The following PTPN9 variants were observed in gnomAD, a reference collection of about 807,000 sequenced individuals.
PTPN9 encodes tyrosine-protein phosphatase non-receptor type 9.
A neutral mutation model predicts 69.8 loss-of-function variants in PTPN9; 26 were observed. That is an observed-to-expected ratio of 0.37 (90% CI 0.27 to 0.52). The LOEUF (loss-of-function observed/expected upper bound fraction) is 0.52, where lower values mean the gene tolerates loss of function less well. Ranked by LOEUF, PTPN9 falls within the 20% of genes least tolerant of loss-of-function variation. The pLI, the probability that PTPN9 is intolerant of heterozygous loss-of-function variation, is 0.91. For missense variants in PTPN9, 549 were observed against 740.3 expected, an observed-to-expected ratio of 0.74 and a Z score of 3.00; for synonymous variants, 274 against 272.5, an observed-to-expected ratio of 1.01 and a Z score of -0.05.
At chr15:75,482,960 A>G (rs1335345477) in intron 8 of PTPN9, among the ~76,000 whole-genome samples, 2 of 152,100 alleles carry the variant, frequency 1.3e-5, no homozygotes, top group African/African-American at 2.4e-5. Flanking sequence ...GTCTCAAAAA[A>G]AAAAAAAATT....
intron 9 of PTPN9, among the ~76,000 whole-genome samples, chr15:75,474,505 C>T (rs1211371137): frequency 3.3e-5 from 5 of 151,264 alleles, no homozygotes; most frequent in South Asian, 4.2e-4. Flanking sequence ...GGCAACAGAA[C>T]GAGACTCTGT....
intron 1 of PTPN9, among the ~76,000 whole-genome samples, chr15:75,551,373 T>G (rs1050289202): frequency 1.3e-5 from 2 of 152,192 alleles, no homozygotes; most frequent in African/African-American, 4.8e-5. Flanking sequence ...TTTTTCTTTT[T>G]GAAACGGAGT....
At chr15:75,524,330 A>G (rs2074918272) in intron 2 of PTPN9, 32 bp from the exon 3 acceptor site, 1 of 1,393,136 alleles carries the variant, frequency 7.2e-7, no homozygotes, top group Non-Finnish European at 1.0e-6. Context: ...ATGTATTAAT[A>G]TGAAAATACT....
intron 1 of PTPN9, among the ~76,000 whole-genome samples, chr15:75,541,343 G>A (rs1013774613): frequency 6.6e-6 from 1 of 151,542 alleles, no homozygotes; most frequent in Admixed American, 6.6e-5. Flanking sequence ...TTAGCCTACT[G>A]AAGCGCTGGG....
intron 7 of PTPN9, among the ~76,000 whole-genome samples, chr15:75,503,594 G>A (rs2074789360): frequency 1.6e-5 from 2 of 127,756 alleles, no homozygotes; most frequent in African/African-American, 2.9e-5. Context: ...GGAGGGAGGT[G>A]GGGGGGTCAG....
At chr15:75,523,723 G>C (rs1434072121) in intron 3 of PTPN9, among the ~76,000 whole-genome samples, 4 of 152,146 alleles carry the variant, frequency 2.6e-5, no homozygotes, top group African/African-American at 9.7e-5. Context: ...CTCTCCCAAA[G>C]ACCATGACTA....
At chr15:75,572,646 C>T (rs936053911) in intron 1 of PTPN9, among the ~76,000 whole-genome samples, 10 of 151,686 alleles carry the variant, frequency 6.6e-5, no homozygotes, top group Non-Finnish European at 1.5e-4. Flanking sequence ...ACCCAGAAGG[C>T]GGAGGTTGCA....
intron 7 of PTPN9, among the ~76,000 whole-genome samples, chr15:75,491,633 T>C (rs2074711625): frequency 1.3e-5 from 2 of 152,172 alleles, no homozygotes; most frequent in Admixed American, 6.5e-5. Flanking sequence ...AATTCTACTA[T>C]GGGCTCAGAA....
intron 1 of PTPN9, among the ~76,000 whole-genome samples, chr15:75,537,753 CAAAA>C (rs1164644727): frequency 0.029 from 327 of 11,354 alleles, 2 homozygotes; most frequent in Non-Finnish European, 0.036. Flanking sequence ...GACTCCATCT[CAAAA>C]AAAAAAAAAA....
At chr15:75,478,192 G>A (rs1207186691) in intron 9 of PTPN9, among the ~76,000 whole-genome samples, 2 of 148,816 alleles carry the variant, frequency 1.3e-5, no homozygotes, top group Non-Finnish European at 3.0e-5. Flanking sequence ...TGCAACCTCC[G>A]CCTCCTGGGT....
chr15:75,504,981 C>A (rs1387635612), intron 7 of PTPN9, among the ~76,000 whole-genome samples: 2 of 152,096 alleles, frequency 1.3e-5, no homozygotes, highest in Non-Finnish European at 2.9e-5. Context: ...TCATTGAGAA[C>A]GGGCCAGGAT....
At chr15:75,529,345 C>T (rs909323993) in intron 1 of PTPN9, among the ~76,000 whole-genome samples, 5 of 152,142 alleles carry the variant, frequency 3.3e-5, no homozygotes, top group Non-Finnish European at 5.9e-5. Context: ...GCTATTCTGT[C>T]CCTTCCATCC....
In PTPN9 at chr15:75,470,847, C is replaced by G; in HGVS notation, c.1209-17G>C. On this transcript the variant is annotated splice_polypyrimidine_tract_variant and intron_variant, in intron 10 of 12. Coordinates refer to ENST00000618819, the MANE Select transcript of PTPN9 (RefSeq NM_002833.4). ...TCCTCAAAGCTGAAGACACACAGAGCAAGGTAAGCCTTCCATCGTTCCTCT... is the reference window on the plus strand; with the variant it reads ...TCCTCAAAGCTGAAGACACACAGAGGAAGGTAAGCCTTCCATCGTTCCTCT... 1 of 1,611,320 alleles carries G rather than the reference C, an allele frequency of 6.2e-7. No individual in the cohort carries two copies. Among genetic ancestry groups the G allele is most frequent in the Non-Finnish European group, 8.5e-7 (1 of 1,178,540 alleles).
chr15:75,495,325 G>GA (rs887552912), intron 7 of PTPN9, among the ~76,000 whole-genome samples: 29 of 148,096 alleles, frequency 2.0e-4, no homozygotes, highest in East Asian at 3.9e-4. Flanking sequence ...GAGGTCTCAG[G>GA]AAAAAAAAAA....
At position 75,501,571 on chromosome 15, in the gene PTPN9, C is replaced by G. The variant is rs372274538; in HGVS notation, c.968+4104G>C. On this transcript the variant is annotated intron_variant, in intron 7 of 12. Coordinates refer to ENST00000618819, the MANE Select transcript of PTPN9 (RefSeq NM_002833.4). ...TCTTGACCTCCCGGGCTCAAGTGAT[C>G]CTCCTGCATAGCTGGGACAACAGGA... is the stretch of plus-strand genomic sequence containing the variant. Among the ~76,000 whole-genome samples, 479 of 150,972 alleles carry G rather than the reference C, an allele frequency of 3.2e-3. 1 individual carries two copies. The highest frequency in any genetic ancestry group is 0.011 in the African/African-American group (452 of 41,164).
intron 9 of PTPN9, among the ~76,000 whole-genome samples, chr15:75,476,447 TG>T (rs753616939): frequency 8.5e-5 from 13 of 152,150 alleles, no homozygotes; most frequent in Non-Finnish European, 1.5e-4. Flanking sequence ...CCTGAGTAGC[TG>T]GGATTACAGG....
intron 1 of PTPN9, among the ~76,000 whole-genome samples, chr15:75,547,501 A>G (rs978340224): frequency 5.9e-5 from 9 of 151,928 alleles, no homozygotes; most frequent in South Asian, 2.1e-4. Context: ...CAAGACAAAA[A>G]AAACCTCTGT....
intron 1 of PTPN9, among the ~76,000 whole-genome samples, chr15:75,565,538 CCA>C (rs1487136934): frequency 2.6e-5 from 4 of 152,154 alleles, no homozygotes; most frequent in African/African-American, 9.7e-5. Flanking sequence ...GATGCCAGTA[CCA>C]CCTCCCACAG....
In PTPN9 at chr15:75,470,741, T is replaced by C. The variant is rs1429366646; in HGVS notation, c.1298A>G (p.Asn433Ser). The change falls in exon 11 of 13, where the codon AAT becomes AGT. Residue 433 changes from asparagine to serine, a missense_variant. Physicochemically the swap from Asn to Ser is conservative, Grantham distance 46. This residue lies in a region of PTPN9 where 457 missense variants were observed against 661.9 expected (regional missense o/e 0.69). Coordinates refer to ENST00000618819, the MANE Select transcript of PTPN9 (RefSeq NM_002833.4). The stretch of plus-strand genomic sequence containing the variant: ...ATGATTCATGTTCTCCACGCCTAGA[T>C]TGGTCACTGTGAGGAAGCCAAATCG... ...RIRFGFLTVTNLGVENMNHYK... is the reference protein window; with the variant it reads ...RIRFGFLTVTSLGVENMNHYK... The C allele has an allele frequency of 8.1e-6, 13 of 1,614,236 alleles. No homozygotes were observed. The highest frequency in any genetic ancestry group is 1.1e-5 in the Non-Finnish European group (13 of 1,180,036).
Sources: allele counts gnomAD v4.1 joint callset (sites outside exome capture counted in the v4.1 genomes callset), GRCh38; gene constraint gnomAD v4.1.1; regional missense constraint gnomAD v4.1.1; transcripts MANE v1.5; gene names NCBI Gene and HGNC (gene_info 2026-07-23, HGNC 2026-07-21).